Variants in THNSL1 observed in about 807,000 individuals in gnomAD.
THNSL1 encodes the protein threonine synthase-like 1.
THNSL1 carries 48 observed loss-of-function variants against 50.4 expected under a neutral mutation model. That is an observed-to-expected ratio of 0.95 (90% CI 0.76 to 1.21). The LOEUF (loss-of-function observed/expected upper bound fraction) is 1.21. Among genes scored for constraint, THNSL1 ranks in the 50% most tolerant of loss-of-function variants. The pLI is 0.00. For synonymous variants in THNSL1, 309 were observed against 306.1 expected, an observed-to-expected ratio of 1.01 and a Z score of -0.10; for missense variants, 896 against 871.7, an observed-to-expected ratio of 1.03 and a Z score of -0.35.
chr10:24,957,464 ATGTT>A, the THNSL1 span, among the ~76,000 whole-genome samples: 7,045 of 150,656 alleles, frequency 0.047, 343 homozygotes, highest in African/African-American at 0.13. Context: ...TTTTGAGTTG[ATGTT>A]TGTTTGTTTG....
the THNSL1 span, among the ~76,000 whole-genome samples, chr10:24,967,995 ATGTGTGTGTGTGTGTGTGTG>A: frequency 7.2e-6 from 1 of 139,678 alleles, no homozygotes; most frequent in Non-Finnish European, 1.6e-5. Context: ...TATGTGTATG[ATGTGTGTGTGTGTGTGTGTG>A]TGTGTGTGTG....
chr10:24,968,175 C>T, the THNSL1 span, among the ~76,000 whole-genome samples: 9 of 152,074 alleles, frequency 5.9e-5, no homozygotes, highest in Non-Finnish European at 8.8e-5. Context: ...ATCATTCCTT[C>T]TTACTTTTGA....
At chr10:24,957,165 C>G in the THNSL1 span, among the ~76,000 whole-genome samples, 1 of 152,218 alleles carries the variant, frequency 6.6e-6, no homozygotes, top group Non-Finnish European at 1.5e-5. Flanking sequence ...TCCTCCCCAC[C>G]TTTCACCTGA....
At chr10:24,984,666 G>A in the THNSL1 span, 1 of 1,414,862 alleles carries the variant, frequency 7.1e-7, no homozygotes, top group East Asian at 2.4e-5. Context: ...GAAAAACTTG[G>A]AGTTTTTTAT....
At chr10:25,016,586 C>G (rs1850582237), upstream of THNSL1, 1 of 152,324 alleles carries the variant, frequency 6.6e-6, no homozygotes, top group Non-Finnish European at 1.5e-5. Context: ...GTCACGTGCC[C>G]TGCGCGAGGC....
chr10:24,965,190 T>C, the THNSL1 span, among the ~76,000 whole-genome samples: 1 of 152,230 alleles, frequency 6.6e-6, no homozygotes, highest in African/African-American at 2.4e-5. Flanking sequence ...TCACTTACTG[T>C]GTGATCTTGG....
At chr10:24,955,025 A>G in the THNSL1 span, among the ~76,000 whole-genome samples, 2 of 152,216 alleles carry the variant, frequency 1.3e-5, no homozygotes, top group Admixed American at 6.5e-5. Flanking sequence ...TATGAAGAAA[A>G]GAGGTTTAAT....
the THNSL1 span, among the ~76,000 whole-genome samples, chr10:24,980,123 G>A: frequency 4.7e-4 from 72 of 152,250 alleles, 1 homozygote; most frequent in East Asian, 0.013. Flanking sequence ...TCCACGTAGC[G>A]AATGATAATT....
chr10:24,989,365 C>T, the THNSL1 span, among the ~76,000 whole-genome samples: 1 of 152,206 alleles, frequency 6.6e-6, no homozygotes, highest in East Asian at 1.9e-4. Context: ...CTGCTGTCAG[C>T]AAAGAGACAC....
chr10:25,025,213 T>C lies in THNSL1; in HGVS notation c.1990T>C (p.Ser664Pro). ...CAAAACTTGCCCTGTGATTATCTCA[T>C]CTACAGCCCATTACTCAAAGTTTGC... ...QDKTCPVIISSTAHYSKFAPA... is the reference protein window; with the variant it reads ...QDKTCPVIISPTAHYSKFAPA... The change falls in exon 3 of 3, where the codon TCT becomes CCT. Residue 664 changes from serine (S) to proline (P), a missense_variant. Physicochemically the swap from Ser to Pro is moderately conservative, Grantham distance 74 (BLOSUM62 -1). Transcript: ENST00000376356. 6.2e-7 allele frequency: 1 copy of C among 1,614,200 alleles called. No individual in the cohort carries two copies. Among genetic ancestry groups the C allele is most frequent in the Non-Finnish European group, 8.5e-7 (1 of 1,180,034 alleles).
chr10:24,991,462 A>G, the THNSL1 span, among the ~76,000 whole-genome samples: 8 of 151,472 alleles, frequency 5.3e-5, no homozygotes, highest in Non-Finnish European at 1.0e-4. Context: ...GGAACACATC[A>G]ATGGAAGAAC....
chr10:25,015,983 C>T, upstream of THNSL1: 1 of 1,582,966 alleles, frequency 6.3e-7, no homozygotes, highest in Admixed American at 1.8e-5. Flanking sequence ...ACTTTTTTCT[C>T]CCTGTCCCAG....
the THNSL1 span, among the ~76,000 whole-genome samples, chr10:24,986,146 C>T: frequency 6.6e-6 from 1 of 152,220 alleles, no homozygotes; most frequent in Non-Finnish European, 1.5e-5. Context: ...TATGGCCATA[C>T]ATTTAGGTGT....
chr10:24,967,971 GAT>G, the THNSL1 span, among the ~76,000 whole-genome samples: 1 of 146,980 alleles, frequency 6.8e-6, no homozygotes, highest in Non-Finnish European at 1.5e-5. Flanking sequence ...GTGTATGTAT[GAT>G]GTGTGTGTAT....
the THNSL1 span, among the ~76,000 whole-genome samples, chr10:24,974,856 C>T: frequency 3.5e-3 from 533 of 152,252 alleles, 2 homozygotes; most frequent in Admixed American, 5.6e-3. Context: ...AAAAGAATTA[C>T]AGCAATTTAA....
chr10:24,995,672 G>T, the THNSL1 span: 1 of 1,613,572 alleles, frequency 6.2e-7, no homozygotes, highest in South Asian at 1.1e-5. Flanking sequence ...TTTGGAACTA[G>T]TCCTGAAGGC....
chr10:24,990,505 A>AG, the THNSL1 span: 1 of 1,613,602 alleles, frequency 6.2e-7, no homozygotes, highest in Admixed American at 1.7e-5. Flanking sequence ...GCCTTTTCAT[A>AG]GCTGCTTTCT....
At chr10:25,010,870 G>C in the THNSL1 span, among the ~76,000 whole-genome samples, 4 of 151,684 alleles carry the variant, frequency 2.6e-5, no homozygotes, top group East Asian at 7.7e-4. Flanking sequence ...TTGGTTCCAA[G>C]TCTTTGCTAT....
the THNSL1 span, among the ~76,000 whole-genome samples, chr10:24,987,198 C>G: frequency 6.6e-6 from 1 of 152,202 alleles, no homozygotes; most frequent in Non-Finnish European, 1.5e-5. Context: ...AGCTCCAGCT[C>G]TCACTGGATT....
Sources: allele counts gnomAD v4.1 joint callset (sites outside exome capture counted in the v4.1 genomes callset), GRCh38; gene constraint gnomAD v4.1.1; transcripts MANE v1.5; gene names NCBI Gene and HGNC (gene_info 2026-07-23, HGNC 2026-07-21).